Variants in HCAR2 observed in about 807,000 individuals in gnomAD.
HCAR2 encodes hydroxycarboxylic acid receptor 2, also known as G protein-coupled receptor HM74a.
For synonymous variants in HCAR2, 156 were observed against 189.4 expected (o/e 0.82, Z 1.45); for missense variants, 346 against 476.6 (o/e 0.73, Z 2.55).
chr12:122,702,023 C>T lies in HCAR2; in HGVS notation c.*169G>A. 2 of 1,177,274 alleles carry T rather than the reference C, an allele frequency of 1.7e-6. No homozygotes were observed. Among genetic ancestry groups the T allele is most frequent in the Non-Finnish European group, 2.4e-6 (2 of 829,544 alleles). 72.9% of individuals were successfully genotyped at this position (1,177,274 alleles called of 1,614,324 possible). ...CCAGGATTCCTGCGGTCACACCTTGCAACCAGTCTCCCACTCATCTGCCAC... is the reference window on the plus strand; with the variant it reads ...CCAGGATTCCTGCGGTCACACCTTGTAACCAGTCTCCCACTCATCTGCCAC... On this transcript the variant is annotated 3_prime_UTR_variant, in exon 1 of 1. Transcript: ENST00000328880.
chr12:122,702,863 T>C lies in HCAR2; in HGVS notation c.421A>G (p.Asn141Asp), dbSNP rs1246329659. The C allele has an allele frequency of 1.2e-6, 2 of 1,613,994 alleles. No individual in the cohort carries two copies. Among genetic ancestry groups the C allele is most frequent in the Non-Finnish European group, 1.7e-6 (2 of 1,180,004 alleles). Residue 141 changes from asparagine to aspartate, a missense_variant, in exon 1 of 1, where the codon AAT (asparagine) becomes GAT (aspartate). Transcript: ENST00000328880. ...HPHHALNKIS[N>D]RTAAIISCLL... The stretch of plus-strand genomic sequence containing the variant: ...CAAGAGATGATGGCTGCTGTCCGAT[T>C]GGAGATCTTGTTCAGGGCGTGGTGG...
Position 122,702,746 on chromosome 12 carries a change from A to C in HCAR2, c.538T>G (p.Phe180Val). The C allele has an allele frequency of 6.2e-7, 1 of 1,614,198 alleles. No individual in the cohort carries two copies. Among genetic ancestry groups the C allele is most frequent in the Non-Finnish European group, 8.5e-7 (1 of 1,180,026 alleles). Residue 180 changes from phenylalanine to valine, a missense_variant, in exon 1 of 1, where the codon TTC becomes GTC. Phe to Val is a conservative substitution (Grantham distance 50, BLOSUM62 -1). Transcript: ENST00000328880. ...CACTGGAAGGTATGGCAGATGCTGA[A>C]GCTGCTGCACAAATTTGCACCGCCA... ...QNGGANLCSS[F>V]SICHTFQWHE...
Position 122,702,773 on chromosome 12 carries a change from T to G in HCAR2, c.511A>C (p.Asn171His). 1 of 1,614,152 alleles carries G rather than the reference T, an allele frequency of 6.2e-7. No homozygotes were observed. The highest frequency in any genetic ancestry group is 2.2e-5 in the East Asian group (1 of 44,884). ...CTGCTGCACAAATTTGCACCGCCAT[T>G]CTGGATCGGCATCTTCTTCTTCAGG... The part of the protein sequence containing the change: ...HLLKKKMPIQ[N>H]GGANLCSSFS... Residue 171 changes from asparagine (N) to histidine (H), a missense_variant, in exon 1 of 1, where the codon AAT (asparagine) becomes CAT (histidine). Asn to His is a moderately conservative substitution (Grantham distance 68, BLOSUM62 1). Coordinates refer to ENST00000328880, the MANE Select transcript of HCAR2 (RefSeq NM_177551.4).
In HCAR2 at chr12:122,703,057, A is replaced by G; in HGVS notation, c.227T>C (p.Leu76Pro). 6.2e-7 allele frequency: 1 copy of G among 1,614,210 alleles called. No homozygotes were observed. The highest frequency in any genetic ancestry group is 8.5e-7 in the Non-Finnish European group (1 of 1,180,036). ...LFNLAVADFL[L>P]IICLPFLMDN... ...CATCAGGAAGGGCAGGCAGATGATCAGTAGAAAGTCAGCCACTGCCAGGTT... is the reference window on the plus strand; with the variant it reads ...CATCAGGAAGGGCAGGCAGATGATCGGTAGAAAGTCAGCCACTGCCAGGTT... Residue 76 changes from leucine (L) to proline (P), a missense_variant, in exon 1 of 1, where the codon CTG becomes CCG. Physicochemically the swap from Leu to Pro is moderately conservative, Grantham distance 98 (BLOSUM62 -3). Coordinates refer to ENST00000328880, the MANE Select transcript of HCAR2 (RefSeq NM_177551.4).
chr12:122,703,295 G>C lies in HCAR2; in HGVS notation c.-12C>G, dbSNP rs1347567751. The C allele has an allele frequency of 6.2e-7, 1 of 1,612,490 alleles. No homozygotes were observed. The highest frequency in any genetic ancestry group is 8.5e-7 in the Non-Finnish European group (1 of 1,178,638). On this transcript the variant is annotated 5_prime_UTR_variant, in exon 1 of 1. Coordinates refer to ENST00000328880, the MANE Select transcript of HCAR2 (RefSeq NM_177551.4). ...TGGTGCCGATTCATGAGTGCGGCTAGTGAGTCCGATGGAGCGCCTCGCCTA... is the reference window on the plus strand; with the variant it reads ...TGGTGCCGATTCATGAGTGCGGCTACTGAGTCCGATGGAGCGCCTCGCCTA...
In HCAR2 at chr12:122,702,810, C is replaced by T. The variant is rs761046567; in HGVS notation, c.474G>A (p.Leu158=). 1.5e-5 allele frequency: 24 copies of T among 1,614,020 alleles called. No individual in the cohort carries two copies. The highest frequency in any genetic ancestry group is 6.7e-5 in the East Asian group (3 of 44,902). ...TCTTCTTCTTCAGGAGGTGGACTGT[C>T]AGGCCAATAGTGATGCCCCACAGAA... ...SCLLWGITIG[L]TVHLLKKKMP... is the part of the protein sequence containing the mutation. Residue 158 remains leucine, a synonymous_variant, in exon 1 of 1, where the codon CTG becomes CTA. Coordinates refer to ENST00000328880, the MANE Select transcript of HCAR2 (RefSeq NM_177551.4).
rs1877065688 is a variant in HCAR2, at chr12:122,701,431, G to C, written c.*761C>G. 6.6e-6 allele frequency: 1 copy of C among 152,298 alleles called. No homozygotes were observed. The highest frequency in any genetic ancestry group is 1.5e-5 in the Non-Finnish European group (1 of 68,128). The allele number at this position is 152,298 out of a possible 1,614,324, so 9.4% of individuals were successfully genotyped here. A position where few individuals can be genotyped will look rare whatever the true frequency, so the allele number is the denominator to read the frequency against. On this transcript the variant is annotated 3_prime_UTR_variant, in exon 1 of 1. Transcript: ENST00000328880. ...CTTTTAATGTTAAAAGCAAACAGAG[G>C]TGGGAAACAGCTTTCTATCCTGAAG...
At position 122,703,134 on chromosome 12, in the gene HCAR2, C is replaced by A. The variant is rs1877132879; in HGVS notation, c.150G>T (p.Trp50Cys). 6.2e-7 allele frequency: 1 copy of A among 1,614,074 alleles called. No homozygotes were observed. The highest frequency in any genetic ancestry group is 1.3e-5 in the African/African-American group (1 of 74,922). Reference sequence around the variant, plus strand: ...AGGACTTGAGGTGGAAACAGAAAATCCACAGGGCAAGGCCATTGCCCAGAA... The same window carrying A: ...AGGACTTGAGGTGGAAACAGAAAATACACAGGGCAAGGCCATTGCCCAGAA... ...FGLLGNGLAL[W>C]IFCFHLKSWK... Residue 50 changes from tryptophan (W) to cysteine (C), a missense_variant, in exon 1 of 1, where the codon TGG (tryptophan) becomes TGT (cysteine). Physicochemically the swap from Trp to Cys is radical, Grantham distance 215. Transcript: ENST00000328880.
rs756452973 is a variant in HCAR2, at chr12:122,703,174, T to G, written c.110A>C (p.Glu37Ala). 12 of 1,613,890 alleles carry G rather than the reference T, an allele frequency of 7.4e-6. No individual in the cohort carries two copies. In the East Asian group the frequency reaches 2.7e-4, roughly 36 times the overall value. Residue 37 changes from glutamate (E) to alanine (A), a missense_variant, in exon 1 of 1, where the codon GAG becomes GCG. By Grantham distance (107) the Glu-to-Ala change is moderately radical. Transcript: ENST00000328880. ...ATTGCCCAGAAGCCCGAAGATAAACTCCAGCCCCAACACCGGCGGCAACAC... is the reference window on the plus strand; with the variant it reads ...ATTGCCCAGAAGCCCGAAGATAAACGCCAGCCCCAACACCGGCGGCAACAC... ...VKVLPPVLGL[E>A]FIFGLLGNGL...
In HCAR2 at chr12:122,702,090, A is replaced by G. The variant is rs767139480; in HGVS notation, c.*102T>C. ...ATTCTCTGAATCTGGAAGTTCCAGG[A>G]AACCTTAGGCCGAGTCCAGTGACAT... On this transcript the variant is annotated 3_prime_UTR_variant, in exon 1 of 1. Transcript: ENST00000328880. The G allele has an allele frequency of 2.6e-6, 4 of 1,559,844 alleles. 1 individual carries two copies. In the South Asian group the frequency reaches 4.8e-5, roughly 19 times the overall value.
In HCAR2 at chr12:122,702,187, G is replaced by C. The variant is rs369377442; in HGVS notation, c.*5C>G. ...GGTGACAATGTCCCTTCTTGGCATG[G>C]TTATTTAAGGAGAGGTTGGGCCCAG... On this transcript the variant is annotated 3_prime_UTR_variant, in exon 1 of 1. Transcript: ENST00000328880. The C allele has an allele frequency of 2.5e-6, 4 of 1,613,958 alleles. No individual in the cohort carries two copies. In the African/African-American group the frequency reaches 5.3e-5, roughly 22 times the overall value.
Position 122,702,763 on chromosome 12 carries a change from G to T in HCAR2, c.521C>A (p.Ala174Glu). 6.2e-7 allele frequency: 1 copy of T among 1,614,178 alleles called. No individual in the cohort carries two copies. Among genetic ancestry groups the T allele is most frequent in the African/African-American group, 1.3e-5 (1 of 75,040 alleles). ...GATGCTGAAGCTGCTGCACAAATTTGCACCGCCATTCTGGATCGGCATCTT... is the reference window on the plus strand; with the variant it reads ...GATGCTGAAGCTGCTGCACAAATTTTCACCGCCATTCTGGATCGGCATCTT... ...KKKMPIQNGG[A>E]NLCSSFSICH... The change falls in exon 1 of 1, where the codon GCA becomes GAA. Residue 174 changes from alanine to glutamate, a missense_variant. Transcript: ENST00000328880.
chr12:122,702,978 C>T lies in HCAR2; in HGVS notation c.306G>A (p.Leu102=). ...GGTTCATAGCCAACATGAAGAGCAT[C>T]AGCCGGCAAGGGATGTCCCCAAACT... ...DWKFGDIPCR[L]MLFMLAMNRQ... The change falls in exon 1 of 1, where the codon CTG becomes CTA. Residue 102 remains leucine (L), a synonymous_variant. Coordinates refer to ENST00000328880, the MANE Select transcript of HCAR2 (RefSeq NM_177551.4). The T allele has an allele frequency of 6.2e-7, 1 of 1,614,084 alleles. No individual in the cohort carries two copies. Among genetic ancestry groups the T allele is most frequent in the South Asian group, 1.1e-5 (1 of 91,056 alleles).
chr12:122,702,886 T>G lies in HCAR2; in HGVS notation c.398A>C (p.His133Pro), dbSNP rs150357116. Reference protein sequence around the residue: ...VDRYFRVVHPHHALNKISNRT... With the variant: ...VDRYFRVVHPPHALNKISNRT... ...ATTGGAGATCTTGTTCAGGGCGTGG[T>G]GGGGATGGACCACCCGGAAATACCT... Residue 133 changes from histidine to proline, a missense_variant, in exon 1 of 1, where the codon CAC becomes CCC. Coordinates refer to ENST00000328880, the MANE Select transcript of HCAR2 (RefSeq NM_177551.4). 1.2e-6 allele frequency: 2 copies of G among 1,613,908 alleles called. No homozygotes were observed. Among genetic ancestry groups the G allele is most frequent in the African/African-American group, 1.3e-5 (1 of 74,878 alleles).
Position 122,702,170 on chromosome 12 carries a change from T to A in HCAR2, c.*22A>T. 6.2e-7 allele frequency: 1 copy of A among 1,613,882 alleles called. No individual in the cohort carries two copies. The highest frequency in any genetic ancestry group is 8.5e-7 in the Non-Finnish European group (1 of 1,179,980). The stretch of plus-strand genomic sequence containing the variant: ...CAGAGATCCTGGTTCTTGGTGACAA[T>A]GTCCCTTCTTGGCATGGTTATTTAA... On this transcript the variant is annotated 3_prime_UTR_variant, in exon 1 of 1. Transcript: ENST00000328880.
At position 122,701,518 on chromosome 12, in the gene HCAR2, G is replaced by T. The variant is rs1249835088; in HGVS notation, c.*674C>A. On this transcript the variant is annotated 3_prime_UTR_variant, in exon 1 of 1. Coordinates refer to ENST00000328880, the MANE Select transcript of HCAR2 (RefSeq NM_177551.4). ...AAGAGAGGAATGGATTGCATTAGTCGCTGGTTGAAAGCAGCAATGCCATTT... is the reference window on the plus strand; with the variant it reads ...AAGAGAGGAATGGATTGCATTAGTCTCTGGTTGAAAGCAGCAATGCCATTT... 1 of 153,098 alleles carries T rather than the reference G, an allele frequency of 6.5e-6. No individual in the cohort carries two copies. The highest frequency in any genetic ancestry group is 1.5e-5 in the Non-Finnish European group (1 of 68,718). 9.5% of individuals were successfully genotyped at this position (153,098 alleles called of 1,614,324 possible). A position where few individuals can be genotyped will look rare whatever the true frequency, so the allele number is the denominator to read the frequency against.
rs775192310 is a variant in HCAR2 at position 122,703,104 on chromosome 12, T to C, written c.180A>G (p.Lys60=). The part of the protein sequence containing the change: ...WIFCFHLKSW[K]SSRIFLFNLA... ...GGTTGAACAGGAAAATCCGGCTGGA[T>C]TTCCAGGACTTGAGGTGGAAACAGA... Residue 60 remains lysine (K), a synonymous_variant, in exon 1 of 1, where the codon AAA becomes AAG. Transcript: ENST00000328880. The C allele has an allele frequency of 1.1e-5, 17 of 1,614,088 alleles. No individual in the cohort carries two copies. The South Asian group carries it at 1.8e-4, about 17-fold the overall frequency.
In HCAR2 at chr12:122,702,465, G is replaced by A. The variant is rs769255392; in HGVS notation, c.819C>T (p.Asp273=). ...TQNCEVYRSV[D]LAFFITLSFT... is the part of the protein sequence containing the mutation. ...AGCTGAGAGTGATAAAGAACGCCAG[G>A]TCCACCGAGCGGTACACTTCACAAT... Residue 273 remains aspartate, a synonymous_variant, in exon 1 of 1, where the codon GAC becomes GAT. Coordinates refer to ENST00000328880, the MANE Select transcript of HCAR2 (RefSeq NM_177551.4). 3 of 1,614,090 alleles carry A rather than the reference G, an allele frequency of 1.9e-6. No individual in the cohort carries two copies. In the South Asian group the frequency reaches 3.3e-5, roughly 18 times the overall value.
At position 122,703,303 on chromosome 12, in the gene HCAR2, G is replaced by A. The variant is rs773412141; in HGVS notation, c.-20C>T. 17 of 1,610,266 alleles carry A rather than the reference G, an allele frequency of 1.1e-5. No individual in the cohort carries two copies. The highest frequency in any genetic ancestry group is 6.6e-5 in the South Asian group (6 of 90,920). On this transcript the variant is annotated 5_prime_UTR_variant, in exon 1 of 1. Coordinates refer to ENST00000328880, the MANE Select transcript of HCAR2 (RefSeq NM_177551.4). ...ATTCATGAGTGCGGCTAGTGAGTCC[G>A]ATGGAGCGCCTCGCCTAGTGAATGC... is the stretch of plus-strand genomic sequence containing the variant.
Sources: allele counts gnomAD v4.1 joint callset, GRCh38; gene constraint gnomAD v4.1.1; transcripts MANE v1.5; gene names NCBI Gene and HGNC (gene_info 2026-07-23, HGNC 2026-07-21).